Variants in PCSK2 observed in about 807,000 individuals in gnomAD.
PCSK2 encodes proprotein convertase subtilisin/kexin type 2.
PCSK2 carries 14 observed loss-of-function variants against 69.7 expected under a neutral mutation model. The observed-to-expected ratio is 0.20, with a 90% CI of 0.13 to 0.31. PCSK2 has a LOEUF of 0.31. Among genes scored for constraint, PCSK2 ranks in the 10% least tolerant of loss-of-function variants. The probability of loss-of-function intolerance (pLI) is 1.00; values close to 1 mark genes in which losing one functional copy is unlikely to be tolerated. For synonymous variants in PCSK2, 307 were observed against 320.7 expected (o/e 0.96, Z 0.46); for missense variants, 544 against 842.5 (o/e 0.65, Z 4.39).
intron 1 of PCSK2, among the ~76,000 whole-genome samples, chr20:17,242,377 T>C (rs1346375861): frequency 1.3e-5 from 2 of 152,218 alleles, no homozygotes; most frequent in African/African-American, 2.4e-5. Context: ...TCTTATTTTA[T>C]TAACAAGTGT....
intron 6 of PCSK2, among the ~76,000 whole-genome samples, chr20:17,415,764 G>T (rs546597250): frequency 6.6e-6 from 1 of 152,118 alleles, no homozygotes; most frequent in African/African-American, 2.4e-5. Context: ...GAGGCATCAC[G>T]CTACCTGACT....
intron 4 of PCSK2, among the ~76,000 whole-genome samples, chr20:17,363,275 T>C (rs2030465019): frequency 6.6e-6 from 1 of 152,242 alleles, no homozygotes; most frequent in South Asian, 2.1e-4. Context: ...TCCCCTCTGC[T>C]GGATCCAGTG....
chr20:17,287,808 C>T (rs758346878), intron 2 of PCSK2, among the ~76,000 whole-genome samples: 2 of 152,224 alleles, frequency 1.3e-5, no homozygotes, highest in Non-Finnish European at 2.9e-5. Context: ...GGGGAGCCTT[C>T]CTAAGCCCCT....
At chr20:17,298,504 T>G (rs1403893810) in intron 2 of PCSK2, among the ~76,000 whole-genome samples, 1 of 152,152 alleles carries the variant, frequency 6.6e-6, no homozygotes, top group Non-Finnish European at 1.5e-5. Context: ...CAACAAAGAA[T>G]TGTCCAGCCC....
At chr20:17,228,728 C>T (rs1437623343) in intron 1 of PCSK2, among the ~76,000 whole-genome samples, 1 of 152,194 alleles carries the variant, frequency 6.6e-6, no homozygotes, top group Non-Finnish European at 1.5e-5. Context: ...TCCCAGCCAC[C>T]GCCAGGGCTC....
chr20:17,340,833 C>T (rs1990490428), intron 2 of PCSK2, among the ~76,000 whole-genome samples: 1 of 152,210 alleles, frequency 6.6e-6, no homozygotes, highest in Non-Finnish European at 1.5e-5. Flanking sequence ...ATGAGATAAG[C>T]TTTACCCAAA....
At chr20:17,389,316 G>T (rs1158850954) in intron 5 of PCSK2, among the ~76,000 whole-genome samples, 1 of 152,116 alleles carries the variant, frequency 6.6e-6, no homozygotes, top group African/African-American at 2.4e-5. Flanking sequence ...GTCTTGGAAG[G>T]AACAGCCGTG....
intron 6 of PCSK2, among the ~76,000 whole-genome samples, chr20:17,412,122 C>G (rs2031888937): frequency 6.6e-6 from 1 of 152,208 alleles, no homozygotes; most frequent in Non-Finnish European, 1.5e-5. Flanking sequence ...TGCCTCTTCT[C>G]CTCCAAAGGA....
chr20:17,267,773 C>T (rs1341731156), intron 2 of PCSK2, among the ~76,000 whole-genome samples: 2 of 152,016 alleles, frequency 1.3e-5, no homozygotes, highest in Non-Finnish European at 2.9e-5. Context: ...CCAGAGATCT[C>T]TTGGAAGTTT....
chr20:17,415,519 G>C (rs1368213924), intron 6 of PCSK2, among the ~76,000 whole-genome samples: 1 of 151,738 alleles, frequency 6.6e-6, no homozygotes, highest in Non-Finnish European at 1.5e-5. Flanking sequence ...ATAAACTGCT[G>C]CTCAACAAAA....
chr20:17,311,751 G>T (rs778813381), intron 2 of PCSK2, among the ~76,000 whole-genome samples: 28 of 152,150 alleles, frequency 1.8e-4, no homozygotes, highest in Non-Finnish European at 3.4e-4. Context: ...GCCTATACTG[G>T]AGTGAAATAG....
At chr20:17,375,643 A>G (rs2030902489) in intron 5 of PCSK2, among the ~76,000 whole-genome samples, 1 of 152,176 alleles carries the variant, frequency 6.6e-6, no homozygotes, top group East Asian at 1.9e-4. Flanking sequence ...TATTTAAGCC[A>G]TTGCAGGGTG....
At chr20:17,367,359 T>G (rs774007540) in intron 4 of PCSK2, among the ~76,000 whole-genome samples, 107 of 152,364 alleles carry the variant, frequency 7.0e-4, no homozygotes, top group Non-Finnish European at 1.3e-3. Flanking sequence ...CTGAAGACTT[T>G]CAATGAATTG....
intron 2 of PCSK2, among the ~76,000 whole-genome samples, chr20:17,294,592 C>T (rs926757082): frequency 7.9e-5 from 12 of 152,296 alleles, no homozygotes; most frequent in Middle Eastern, 3.4e-3. Flanking sequence ...TAAAATATAT[C>T]ACATGTTCTC....
At chr20:17,427,296 G>T (rs1158587489) in intron 6 of PCSK2, among the ~76,000 whole-genome samples, 1 of 152,094 alleles carries the variant, frequency 6.6e-6, no homozygotes, top group Admixed American at 6.6e-5. Flanking sequence ...CATGCTTTTG[G>T]CTGGAAAAAC....
At chr20:17,294,109 T>C (rs1363757548) in intron 2 of PCSK2, among the ~76,000 whole-genome samples, 1 of 140,910 alleles carries the variant, frequency 7.1e-6, no homozygotes, top group Non-Finnish European at 1.5e-5. Flanking sequence ...TTTTTTTTTT[T>C]TTTTTTTTTT....
At chr20:17,364,637 C>T (rs931661247) in intron 4 of PCSK2, among the ~76,000 whole-genome samples, 4 of 152,134 alleles carry the variant, frequency 2.6e-5, no homozygotes, top group African/African-American at 9.7e-5. Flanking sequence ...TATCCCCCAC[C>T]GGGTCCCCCC....
Position 17,347,861 on chromosome 20 carries a change from AGG to A in PCSK2, c.283-10465_283-10464del, listed in dbSNP as rs1568612166. On this transcript the variant is annotated intron_variant, in intron 2 of 11. Transcript: ENST00000262545. ...GAAAGAAAGAAAGAAAGAAAGAAAG[AGG>A]AGAGAGAAAAAAGAAAGAAAGAAAG... 3.4e-3 allele frequency among the ~76,000 whole-genome samples: 317 copies of A among 94,406 alleles called. 22 individuals are homozygous for A. Among genetic ancestry groups the A allele is most frequent in the East Asian group, 0.016 (45 of 2,754 alleles). The allele number at this position is 94,406 out of a possible 152,430, so 61.9% of individuals were successfully genotyped here. A position where few individuals can be genotyped will look rare whatever the true frequency, so the allele number is the denominator to read the frequency against.
intron 2 of PCSK2, among the ~76,000 whole-genome samples, chr20:17,280,886 T>C (rs1209034541): frequency 2.6e-5 from 4 of 152,144 alleles, no homozygotes; most frequent in African/African-American, 9.7e-5. Context: ...CAAAAATCAG[T>C]TGTTCCGATT....
Sources: allele counts gnomAD v4.1 joint callset (sites outside exome capture counted in the v4.1 genomes callset), GRCh38; gene constraint gnomAD v4.1.1; transcripts MANE v1.5; gene names NCBI Gene and HGNC (gene_info 2026-07-23, HGNC 2026-07-21).